The following PCDH11X variants were observed in gnomAD, a reference collection of about 807,000 sequenced individuals.
The protein encoded by PCDH11X is protocadherin 11 X-linked.
In PCDH11X, 18 loss-of-function variants were observed where a neutral mutation model predicts 53.3. That is an observed-to-expected ratio of 0.34 (90% CI 0.23 to 0.50). The LOEUF (loss-of-function observed/expected upper bound fraction) is 0.50. Among genes scored for constraint, PCDH11X ranks in the 20% least tolerant of loss-of-function variants. The pLI, the probability that PCDH11X is intolerant of heterozygous loss-of-function variation, is 0.98. For synonymous variants in PCDH11X, 279 were observed against 393.3 expected, an observed-to-expected ratio of 0.71 and a Z score of 3.44; for missense variants, 570 against 1,032.4, an observed-to-expected ratio of 0.55 and a Z score of 6.14.
At chrX:91,795,083 A>T (rs1439880103) in intron 1 of PCDH11X, among the ~76,000 whole-genome samples, 1 of 110,490 alleles carries the variant, frequency 9.1e-6, no homozygotes, top group Non-Finnish European at 1.9e-5. Flanking sequence ...TCCTTTGTAA[A>T]TTGCCCAGTC....
intron 6 of PCDH11X, among the ~76,000 whole-genome samples, chrX:92,160,635 T>C (rs1397294923): frequency 1.2e-5 from 1 of 84,735 alleles, no homozygotes; most frequent in African/African-American, 4.1e-5. Flanking sequence ...GCAGGTATTT[T>C]TTTTTCTTTT....
At chrX:92,025,873 C>A (rs2062962490) in intron 6 of PCDH11X, among the ~76,000 whole-genome samples, 1 of 109,664 alleles carries the variant, frequency 9.1e-6, no homozygotes, top group South Asian at 3.9e-4. Context: ...GCTATGCAAC[C>A]ATAAAAAAGA....
chrX:92,544,726 C>T (rs2074816809), intron 10 of PCDH11X, among the ~76,000 whole-genome samples: 1 of 109,238 alleles, frequency 9.2e-6, no homozygotes, highest in East Asian at 2.9e-4. Flanking sequence ...TATTCTCAGG[C>T]TCACCCTAAT....
At chrX:91,804,159 C>T (rs1231729636) in intron 1 of PCDH11X, among the ~76,000 whole-genome samples, 1 of 111,764 alleles carries the variant, frequency 8.9e-6, no homozygotes, top group Non-Finnish European at 1.9e-5. Flanking sequence ...TTTTCAAACT[C>T]TTAGCAAAAT....
chrX:92,302,162 G>A (rs2522778), intron 8 of PCDH11X, among the ~76,000 whole-genome samples: 4 of 111,235 alleles, frequency 3.6e-5, no homozygotes, highest in Admixed American at 1.9e-4. Context: ...ACTTAGCCTC[G>A]ACAACAGGAA....
intron 10 of PCDH11X, among the ~76,000 whole-genome samples, chrX:92,524,996 T>C (rs751787021): frequency 9.0e-6 from 1 of 111,647 alleles, no homozygotes; most frequent in African/African-American, 3.2e-5. Context: ...ACTCAGTTAA[T>C]ATAAAACAGT....
At chrX:92,286,838 G>A (rs374437757) in intron 8 of PCDH11X, among the ~76,000 whole-genome samples, 1,431 of 91,565 alleles carry the variant, frequency 0.016, 17 homozygotes, top group Middle Eastern at 0.038. Context: ...CTACAAACAT[G>A]AAAGTATTTT....
Position 92,583,062 on chromosome X carries a change from G to A in PCDH11X, c.3368-35202G>A, listed in dbSNP as rs939221711. 2.8e-5 allele frequency among the ~76,000 whole-genome samples: 3 copies of A among 106,635 alleles called. 1 individual carries two copies. The highest frequency in any genetic ancestry group is 1.0e-4 in the African/African-American group (3 of 29,103). 92.6% of individuals were successfully genotyped at this position (106,635 alleles called of 115,157 possible). On this transcript the variant is annotated intron_variant, in intron 10 of 10. Transcript: ENST00000682573. ...TTCTGATTTTACAGTCTCATAGGTG[G>A]AAGGGACTTGCCTTATCTCAGATCA... is the stretch of plus-strand genomic sequence containing the variant.
At chrX:92,334,669 A>G (rs967400113) in intron 8 of PCDH11X, among the ~76,000 whole-genome samples, 5 of 111,522 alleles carry the variant, frequency 4.5e-5, no homozygotes, top group Non-Finnish European at 9.4e-5. Context: ...CATGTGCCAT[A>G]GATTAAGGTT....
intron 6 of PCDH11X, among the ~76,000 whole-genome samples, chrX:92,188,742 T>A (rs2066142054): frequency 8.9e-6 from 1 of 111,855 alleles, no homozygotes; most frequent in Non-Finnish European, 1.9e-5. Flanking sequence ...CTCTACTCTT[T>A]CAGACAACTT....
chrX:92,597,120 G>T (rs890590323), intron 10 of PCDH11X, among the ~76,000 whole-genome samples: 1 of 111,368 alleles, frequency 9.0e-6, no homozygotes, highest in African/African-American at 3.3e-5. Context: ...GATTTGCAAC[G>T]TGACAAGGAT....
At chrX:91,786,767 G>A (rs1199861511) in intron 1 of PCDH11X, among the ~76,000 whole-genome samples, 1 of 103,775 alleles carries the variant, frequency 9.6e-6, no homozygotes, top group East Asian at 3.1e-4. Flanking sequence ...AGAATTAAGA[G>A]GGGAAGCTTC....
chrX:91,939,050 G>A (rs1485757995), intron 6 of PCDH11X, among the ~76,000 whole-genome samples: 1 of 110,996 alleles, frequency 9.0e-6, no homozygotes, highest in African/African-American at 3.3e-5. Flanking sequence ...CAGAAACTGA[G>A]AGCTGACACA....
chrX:91,853,530 A>G (rs1938154278), intron 5 of PCDH11X, among the ~76,000 whole-genome samples: 1 of 110,209 alleles, frequency 9.1e-6, no homozygotes, highest in African/African-American at 3.4e-5. Context: ...TATTTTCAAT[A>G]GTAAAATCAT....
At chrX:91,785,857 C>A (rs1401728559) in intron 1 of PCDH11X, among the ~76,000 whole-genome samples, 1 of 110,909 alleles carries the variant, frequency 9.0e-6, no homozygotes, top group East Asian at 2.8e-4. Context: ...TAGGAGAAAA[C>A]ATCAAATGAC....
At chrX:91,806,939 T>C (rs755062628) in intron 1 of PCDH11X, among the ~76,000 whole-genome samples, 68 of 111,913 alleles carry the variant, frequency 6.1e-4, no homozygotes, top group African/African-American at 1.9e-3. Context: ...TATAGATGTA[T>C]GCATTCTAAG....
intron 9 of PCDH11X, among the ~76,000 whole-genome samples, chrX:92,416,531 C>T (rs187343213): frequency 2.3e-4 from 24 of 105,218 alleles, no homozygotes; most frequent in Non-Finnish European, 3.6e-4. Context: ...ATGGAAGGCA[C>T]GTGTTTATAA....
chrX:91,939,150 A>G (rs768030545), intron 6 of PCDH11X, among the ~76,000 whole-genome samples: 2 of 111,299 alleles, frequency 1.8e-5, no homozygotes, highest in Non-Finnish European at 3.8e-5. Flanking sequence ...TACATAAGAT[A>G]TTAAAAAGAC....
At chrX:92,200,681 C>A (rs990319824) in intron 6 of PCDH11X, among the ~76,000 whole-genome samples, 16 of 111,241 alleles carry the variant, frequency 1.4e-4, no homozygotes, top group African/African-American at 1.3e-4. Flanking sequence ...TCTATTAAAT[C>A]TTTTGGCATT....
Sources: gnomAD v4.1 joint callset for allele counts (sites outside exome capture counted in the v4.1 genomes callset) on GRCh38, gnomAD v4.1.1 for gene constraint, MANE v1.5 for transcripts, NCBI Gene and HGNC (gene_info 2026-07-23, HGNC 2026-07-21) for gene names.